The following ALCAM variants were observed in gnomAD, a reference collection of about 807,000 sequenced individuals.
ALCAM encodes the protein CD166 antigen.
Under a neutral mutation model 70.9 loss-of-function variants are expected in ALCAM, and 30 were observed. That is an observed-to-expected ratio of 0.42 (90% confidence interval 0.32 to 0.57). The LOEUF (loss-of-function observed/expected upper bound fraction) is 0.57, where lower values mean the gene tolerates loss of function less well. Among genes scored for constraint, ALCAM ranks in the 20% least tolerant of loss-of-function variants. ALCAM has a pLI of 0.11. For synonymous variants in ALCAM, 249 were observed against 242.5 expected (o/e 1.03, Z -0.25); for missense variants, 591 against 695.1 (o/e 0.85, Z 1.68).
At chr3:105,553,172 C>A (rs1406946203) in intron 14 of ALCAM, 16 of 854,736 alleles carry the variant, frequency 1.9e-5, no homozygotes, top group Non-Finnish European at 2.3e-5. Context: ...AGATGTTAAA[C>A]ATTATTAGTT....
intron 1 of ALCAM, among the ~76,000 whole-genome samples, chr3:105,392,663 T>C (rs745995526): frequency 4.6e-5 from 7 of 151,994 alleles, no homozygotes; most frequent in Non-Finnish European, 8.8e-5. Context: ...CTTTCAGTTG[T>C]GATGTTAGGT....
intron 1 of ALCAM, among the ~76,000 whole-genome samples, chr3:105,432,483 T>G (rs1576159394): frequency 6.8e-6 from 1 of 147,586 alleles, no homozygotes; most frequent in Middle Eastern, 3.7e-3. Flanking sequence ...GAGCTTCAGA[T>G]CCTCCAGGAA....
chr3:105,447,584 G>T (rs765358412), intron 1 of ALCAM, among the ~76,000 whole-genome samples: 1 of 152,102 alleles, frequency 6.6e-6, no homozygotes, highest in Non-Finnish European at 1.5e-5. Flanking sequence ...CATGCATCTG[G>T]GGTGCTACCA....
intron 1 of ALCAM, among the ~76,000 whole-genome samples, chr3:105,501,385 TATTTACATTC>T (rs1938915715): frequency 6.6e-6 from 1 of 152,208 alleles, no homozygotes; most frequent in Non-Finnish European, 1.5e-5. Flanking sequence ...AGGAGATGTT[TATTTACATTC>T]TGAATAATAT....
intron 1 of ALCAM, among the ~76,000 whole-genome samples, chr3:105,457,721 A>C (rs1272135167): frequency 1.3e-5 from 2 of 152,146 alleles, no homozygotes; most frequent in Non-Finnish European, 2.9e-5. Context: ...GCAAGCCCCC[A>C]AAACAGGGAG....
Position 105,550,277 on chromosome 3 carries a change from G to T in ALCAM, c.1507+18G>T. ...CTCTGCTAGTGAGTATTTTATTTCTGGCATTACAAAAGTAAGAAAATTTGA... is the reference window on the plus strand; with the variant it reads ...CTCTGCTAGTGAGTATTTTATTTCTTGCATTACAAAAGTAAGAAAATTTGA... On this transcript the variant is annotated intron_variant, in intron 12 of 15. Transcript: ENST00000306107. 2 of 1,574,106 alleles carry T rather than the reference G, an allele frequency of 1.3e-6. No homozygotes were observed. The highest frequency in any genetic ancestry group is 1.7e-6 in the Non-Finnish European group (2 of 1,163,930).
chr3:105,554,380 T>G (rs987088175), intron 14 of ALCAM, among the ~76,000 whole-genome samples: 1 of 151,892 alleles, frequency 6.6e-6, no homozygotes, highest in Non-Finnish European at 1.5e-5. Context: ...TTACTAAGCC[T>G]TTTTTGTTCC....
chr3:105,552,342 A>G lies in ALCAM; in HGVS notation c.1547-126A>G, dbSNP rs762620621. The G allele has an allele frequency of 1.0e-4, 129 of 1,292,668 alleles. 1 individual carries two copies. The highest frequency in any genetic ancestry group is 1.3e-4 in the Non-Finnish European group (115 of 916,842). 80.1% of individuals were successfully genotyped at this position (1,292,668 alleles called of 1,614,324 possible). On this transcript the variant is annotated intron_variant, in intron 13 of 15. Coordinates refer to ENST00000306107, the MANE Select transcript of ALCAM (RefSeq NM_001627.4). ...GCTAAAATTTTACCCTTTAAAAATC[A>G]CAAGTTTGCATGTTAATTACTGTAG...
rs139160573 is a variant in ALCAM at position 105,503,064 on chromosome 3, G to T, written c.74-17003G>T. On this transcript the variant is annotated intron_variant, in intron 1 of 15. Coordinates refer to ENST00000306107, the MANE Select transcript of ALCAM (RefSeq NM_001627.4). ...CAAACAACAGTATTTCTTTAGGAGA[G>T]TTTAAGTTCCAGCTTTGGGTTTTTC... 8.5e-5 allele frequency among the ~76,000 whole-genome samples: 13 copies of T among 152,328 alleles called. No individual in the cohort carries two copies. In the East Asian group the frequency reaches 2.5e-3, roughly 29 times the overall value.
chr3:105,533,741 AC>A, intron 5 of ALCAM, 51 bp downstream of exon 5: 4 of 1,544,486 alleles, frequency 2.6e-6, no homozygotes, highest in Non-Finnish European at 3.6e-6. Flanking sequence ...ACCTGTTCTG[AC>A]TTTCTTTGTT....
chr3:105,573,246 G>A (rs1183539351), intron 15 of ALCAM, among the ~76,000 whole-genome samples: 2 of 152,156 alleles, frequency 1.3e-5, no homozygotes. Flanking sequence ...GGAATCACTT[G>A]AACCCAAGAG....
At chr3:105,486,124 TTAA>T (rs1378715482) in intron 1 of ALCAM, among the ~76,000 whole-genome samples, 1 of 152,092 alleles carries the variant, frequency 6.6e-6, no homozygotes, top group Non-Finnish European at 1.5e-5. Flanking sequence ...CTTTTTAAAT[TTAA>T]TGTTTTCAGA....
chr3:105,476,729 G>A (rs574109285), intron 1 of ALCAM, among the ~76,000 whole-genome samples: 116 of 152,116 alleles, frequency 7.6e-4, no homozygotes, highest in Non-Finnish European at 1.2e-3. Context: ...GAAAACATTT[G>A]TTCACCTTTG....
chr3:105,531,860 C>T, intron 3 of ALCAM, 142 bp from the exon 4 acceptor site: 1 of 745,512 alleles, frequency 1.3e-6, no homozygotes, highest in Non-Finnish European at 2.4e-6. Flanking sequence ...TCCCCAAATC[C>T]AGATTGTATA....
intron 1 of ALCAM, among the ~76,000 whole-genome samples, chr3:105,420,805 A>G (rs1936630551): frequency 6.6e-6 from 1 of 151,572 alleles, no homozygotes; most frequent in African/African-American, 2.4e-5. Flanking sequence ...TATAATGGAG[A>G]TATTGCTATG....
intron 1 of ALCAM, among the ~76,000 whole-genome samples, chr3:105,489,031 G>A (rs983418655): frequency 6.6e-6 from 1 of 152,098 alleles, no homozygotes; most frequent in African/African-American, 2.4e-5. Flanking sequence ...TAAAATTTTG[G>A]TTAAGAGTAT....
intron 1 of ALCAM, among the ~76,000 whole-genome samples, chr3:105,448,458 G>A (rs1937347343): frequency 6.7e-6 from 1 of 150,234 alleles, no homozygotes; most frequent in South Asian, 2.1e-4. Context: ...CAACAGCTCT[G>A]TAACATCTTG....
intron 15 of ALCAM, among the ~76,000 whole-genome samples, chr3:105,573,016 A>G (rs538213094): frequency 3.9e-5 from 6 of 152,202 alleles, no homozygotes; most frequent in Non-Finnish European, 8.8e-5. Context: ...TTATGAAAAT[A>G]ATTTTAAAAT....
At position 105,533,585 on chromosome 3, in the gene ALCAM, T is replaced by G; in HGVS notation, c.460-18T>G. 6.2e-7 allele frequency: 1 copy of G among 1,606,652 alleles called. No individual in the cohort carries two copies. The highest frequency in any genetic ancestry group is 8.5e-7 in the Non-Finnish European group (1 of 1,174,578). On this transcript the variant is annotated intron_variant, in intron 4 of 15. Coordinates refer to ENST00000306107, the MANE Select transcript of ALCAM (RefSeq NM_001627.4). ...CCTGATTGAACCAAGGTAATAACAT[T>G]GCCTTTTTATTTTGCAGTTGGGTGA...
Sources: gnomAD v4.1 joint callset for allele counts (sites outside exome capture counted in the v4.1 genomes callset) on GRCh38, gnomAD v4.1.1 for gene constraint, MANE v1.5 for transcripts, NCBI Gene and HGNC (gene_info 2026-07-23, HGNC 2026-07-21) for gene names.